Variants in ANLN observed in about 807,000 individuals in gnomAD.
ANLN encodes the protein anillin, actin binding protein, also known as anillin.
In ANLN, 59 loss-of-function variants were observed where a neutral mutation model predicts 135.1. That is an observed-to-expected ratio of 0.44 (90% CI 0.35 to 0.54). The LOEUF (loss-of-function observed/expected upper bound fraction) is 0.54. Ranked by LOEUF, ANLN falls within the 20% of genes least tolerant of loss-of-function variation. The pLI, the probability that ANLN is intolerant of heterozygous loss-of-function variation, is 0.00. For missense variants in ANLN, 1,182 were observed against 1,340.0 expected (o/e 0.88, Z 1.84); for synonymous variants, 406 against 456.4 (o/e 0.89, Z 1.41).
chr7:36,419,408 G>C lies in ANLN; in HGVS notation c.1798G>C (p.Asp600His), dbSNP rs746177762. 25 of 1,614,034 alleles carry C rather than the reference G, an allele frequency of 1.5e-5. No homozygotes were observed. The Admixed American group carries it at 3.7e-4, about 24-fold the overall frequency. The change falls in exon 10 of 24, where the codon GAT becomes CAT. Residue 600 changes from aspartate (D) to histidine (H), a missense_variant. This residue lies in a region of ANLN where 1,022 missense variants were observed against 1,134.0 expected (regional missense o/e 0.90). Coordinates refer to ENST00000265748, the MANE Select transcript of ANLN (RefSeq NM_018685.5). The part of the protein sequence containing the change: ...ALAESSEEQE[D>H]ALNISSMSLL... ...AGCAGAAAGCAGCGAAGAACAGGAAGATGCACTGAATATCTCCTCAATGTC... is the reference window on the plus strand; with the variant it reads ...AGCAGAAAGCAGCGAAGAACAGGAACATGCACTGAATATCTCCTCAATGTC...
chr7:36,449,277 T>A (rs935966222), intron 22 of ANLN: 3 of 154,292 alleles, frequency 1.9e-5, no homozygotes, highest in African/African-American at 7.2e-5. Context: ...TGAAATCCAA[T>A]GTCTAGGTTT....
chr7:36,431,617 A>AT (rs141380630), intron 20 of ANLN, among the ~76,000 whole-genome samples: 14,497 of 65,834 alleles, frequency 0.22, 2,025 homozygotes, highest in Admixed American at 0.31. Flanking sequence ...ATATATATAT[A>AT]ATATATATAT....
At chr7:36,391,263 T>C (rs1204413015) in intron 1 of ANLN, among the ~76,000 whole-genome samples, 1 of 152,228 alleles carries the variant, frequency 6.6e-6, no homozygotes, top group East Asian at 1.9e-4. Flanking sequence ...TCACTTACAC[T>C]GAGGTCGAAA....
chr7:36,391,804 T>G (rs1410097935), intron 1 of ANLN, among the ~76,000 whole-genome samples: 1 of 152,234 alleles, frequency 6.6e-6, no homozygotes, highest in East Asian at 1.9e-4. Flanking sequence ...GTCTATCATA[T>G]TAACGCCAGC....
intron 21 of ANLN, among the ~76,000 whole-genome samples, chr7:36,443,488 A>C (rs1788862435): frequency 1.7e-5 from 2 of 119,196 alleles, no homozygotes; most frequent in South Asian, 2.8e-4. Flanking sequence ...TATACTTTTT[A>C]AAAGTCTTAA....
Position 36,419,345 on chromosome 7 carries a change from G to A in ANLN, c.1735G>A (p.Asp579Asn). ...TGATGTCCTAGAGGAAGGTGAACTA[G>A]ATATGGAGAAGAGCCAAGAGGAGAT... ...FSDVLEEGEL[D>N]MEKSQEEMDQ... The change falls in exon 10 of 24, where the codon GAT becomes AAT. Residue 579 changes from aspartate (D) to asparagine (N), a missense_variant. Asp to Asn is a conservative substitution (Grantham distance 23). Transcript: ENST00000265748. 1 of 1,614,152 alleles carries A rather than the reference G, an allele frequency of 6.2e-7. No individual in the cohort carries two copies. Among genetic ancestry groups the A allele is most frequent in the Non-Finnish European group, 8.5e-7 (1 of 1,180,010 alleles).
At chr7:36,409,733 G>T in intron 5 of ANLN, among the ~76,000 whole-genome samples, 1 of 152,168 alleles carries the variant, frequency 6.6e-6, no homozygotes. Flanking sequence ...GCAGTGAGTG[G>T]CATGATCTCA....
At position 36,406,231 on chromosome 7, in the gene ANLN, G is replaced by T. The variant is rs1787180266; in HGVS notation, c.538G>T (p.Ala180Ser). ...CTCACCAATGCCATCAGAGGAAAAG[G>T]CTGCTTCCCCTCCCAGACCTCTGCT... ...LFSPMPSEEKAASPPRPLLSN... is the reference protein window; with the variant it reads ...LFSPMPSEEKSASPPRPLLSN... Residue 180 changes from alanine (A) to serine (S), a missense_variant, in exon 4 of 24, where the codon GCT (alanine) becomes TCT (serine). By Grantham distance (99) the Ala-to-Ser change is moderately conservative. This residue lies in a region of ANLN where 1,022 missense variants were observed against 1,134.0 expected (regional missense o/e 0.90). Coordinates refer to ENST00000265748, the MANE Select transcript of ANLN (RefSeq NM_018685.5). 1 of 1,613,112 alleles carries T rather than the reference G, an allele frequency of 6.2e-7. No individual in the cohort carries two copies. The highest frequency in any genetic ancestry group is 1.3e-5 in the African/African-American group (1 of 74,904).
At chr7:36,419,007 T>G (rs575623419) in intron 9 of ANLN, among the ~76,000 whole-genome samples, 1 of 152,334 alleles carries the variant, frequency 6.6e-6, no homozygotes, top group Non-Finnish European at 1.5e-5. Flanking sequence ...TCTGCCCACC[T>G]TGGCCTCCCA....
chr7:36,400,319 G>A (rs559641575), intron 3 of ANLN, among the ~76,000 whole-genome samples: 1 of 152,192 alleles, frequency 6.6e-6, no homozygotes, highest in Admixed American at 6.5e-5. Context: ...TCTTAAGGCA[G>A]GCAGATGTCC....
chr7:36,423,265 G>C (rs1474188586), intron 14 of ANLN, among the ~76,000 whole-genome samples: 1 of 152,080 alleles, frequency 6.6e-6, no homozygotes, highest in African/African-American at 2.4e-5. Context: ...TGAAAGGTTT[G>C]AGCACTTTTG....
At chr7:36,446,022 C>T (rs187195105) in intron 22 of ANLN, among the ~76,000 whole-genome samples, 6 of 152,226 alleles carry the variant, frequency 3.9e-5, no homozygotes, top group Admixed American at 6.5e-5. Context: ...TATTTTCTCT[C>T]GTATGAACTG....
intron 10 of ANLN, among the ~76,000 whole-genome samples, chr7:36,419,807 C>T (rs1359482416): frequency 6.6e-6 from 1 of 152,070 alleles, no homozygotes; most frequent in Non-Finnish European, 1.5e-5. Flanking sequence ...ATTAATAATA[C>T]CTATATAGTG....
chr7:36,437,505 A>G (rs181221710), intron 20 of ANLN, among the ~76,000 whole-genome samples: 11 of 152,332 alleles, frequency 7.2e-5, no homozygotes, highest in Admixed American at 3.9e-4. Flanking sequence ...GAGAGTGCAG[A>G]TAGCACTTCA....
intron 7 of ANLN, among the ~76,000 whole-genome samples, chr7:36,413,950 C>T (rs927152427): frequency 2.1e-4 from 32 of 151,530 alleles, no homozygotes; most frequent in African/African-American, 7.3e-4. Context: ...GCCGAGATCG[C>T]ACCACTGCAC....
At chr7:36,413,001 T>G (rs150198527) in intron 7 of ANLN, among the ~76,000 whole-genome samples, 202 of 152,288 alleles carry the variant, frequency 1.3e-3, no homozygotes, top group African/African-American at 4.9e-3. Context: ...ATACCTCAAC[T>G]AGAATATTTA....
In ANLN at chr7:36,452,706, G is replaced by T. The variant is rs1228806328; in HGVS notation, c.*106G>T. ...CATTTTATGCTTTAAGTACGAAAGG[G>T]TTTGTGCCAATATTCACTACGTATT... On this transcript the variant is annotated 3_prime_UTR_variant, in exon 24 of 24. Transcript: ENST00000265748. 1.5e-6 allele frequency: 2 copies of T among 1,370,090 alleles called. No individual in the cohort carries two copies. The highest frequency in any genetic ancestry group is 3.9e-5 in the Admixed American group (2 of 50,880). 84.9% of individuals were successfully genotyped at this position (1,370,090 alleles called of 1,614,324 possible).
rs141744756 is a variant in ANLN at position 36,429,094 on chromosome 7, T to C, written c.2883+2066T>C. On this transcript the variant is annotated intron_variant, in intron 20 of 23. Coordinates refer to ENST00000265748, the MANE Select transcript of ANLN (RefSeq NM_018685.5). ...TGCCTGGCCAAAAGTAGAAAATTTTTATGGTCTTAATTGGCTAATAGGTAT... is the reference window on the plus strand; with the variant it reads ...TGCCTGGCCAAAAGTAGAAAATTTTCATGGTCTTAATTGGCTAATAGGTAT... Among the ~76,000 whole-genome samples, 459 of 152,304 alleles carry C rather than the reference T, an allele frequency of 3.0e-3. 2 individuals are homozygous for C. Among genetic ancestry groups the C allele is most frequent in the Non-Finnish European group, 4.5e-3 (305 of 68,028 alleles).
At chr7:36,397,700 C>G (rs1786764712) in intron 2 of ANLN, among the ~76,000 whole-genome samples, 1 of 152,088 alleles carries the variant, frequency 6.6e-6, no homozygotes, top group South Asian at 2.1e-4. Flanking sequence ...ATTGCTTGAG[C>G]TCAGAAGTTG....
Sources: gnomAD v4.1 joint callset for allele counts (sites outside exome capture counted in the v4.1 genomes callset) on GRCh38, gnomAD v4.1.1 for gene constraint, gnomAD v4.1.1 regional missense constraint, MANE v1.5 for transcripts, NCBI Gene and HGNC (gene_info 2026-07-23, HGNC 2026-07-21) for gene names.